Variants in CTNNA2 observed in about 807,000 individuals in gnomAD.
CTNNA2 encodes catenin alpha 2, also known as catenin alpha-2.
Under a neutral mutation model 101.0 loss-of-function variants are expected in CTNNA2, and 42 were observed. The ratio of observed to expected loss-of-function variants is 0.42; its 90% confidence interval spans 0.32 to 0.54. CTNNA2 has a LOEUF of 0.54. Among genes scored for constraint, CTNNA2 ranks in the 20% least tolerant of loss-of-function variants. The pLI is 0.14. For missense variants in CTNNA2, 871 were observed against 1,223.1 expected (o/e 0.71, Z 4.29); for synonymous variants, 450 against 456.4 (o/e 0.99, Z 0.18).
chr2:80,214,875 C>T (rs546342969), intron 7 of CTNNA2, among the ~76,000 whole-genome samples: 3 of 152,114 alleles, frequency 2.0e-5, no homozygotes, highest in African/African-American at 7.2e-5. Context: ...CTCCATTATC[C>T]CCGTCATTTT....
In CTNNA2 at chr2:79,909,750, G is replaced by A; in HGVS notation, c.1009G>A (p.Ala337Thr). The A allele has an allele frequency of 1.2e-6, 2 of 1,613,258 alleles. No homozygotes were observed. The highest frequency in any genetic ancestry group is 1.7e-6 in the Non-Finnish European group (2 of 1,179,536). ...CGAGAGGATCGTGGCGGAGTGCAAC[G>A]CCGTGCGGCAGGCGCTCCAGGACCT... is the stretch of plus-strand genomic sequence containing the variant. Reference protein sequence around the residue: ...RRERIVAECNAVRQALQDLLS... With the variant: ...RRERIVAECNTVRQALQDLLS... The change falls in exon 7 of 19, where the codon GCC becomes ACC. Residue 337 changes from alanine (A) to threonine (T), a missense_variant. Physicochemically the swap from Ala to Thr is moderately conservative, Grantham distance 58. Transcript: ENST00000402739.
At chr2:79,709,813 T>C (rs887772304) in intron 2 of CTNNA2, among the ~76,000 whole-genome samples, 1 of 152,008 alleles carries the variant, frequency 6.6e-6, no homozygotes, top group Non-Finnish European at 1.5e-5. Flanking sequence ...AAGAGAAATA[T>C]CAAAGTCACA....
chr2:79,742,475 A>G (rs1374113377), intron 2 of CTNNA2, among the ~76,000 whole-genome samples: 1 of 152,170 alleles, frequency 6.6e-6, no homozygotes, highest in Non-Finnish European at 1.5e-5. Context: ...GATGGTAGAG[A>G]TGGTTGCTGT....
At chr2:79,962,719 A>T (rs1382162382) in intron 7 of CTNNA2, among the ~76,000 whole-genome samples, 1 of 152,166 alleles carries the variant, frequency 6.6e-6, no homozygotes, top group Non-Finnish European at 1.5e-5. Context: ...ATTGGAGCAC[A>T]TGTTGGTGCA....
chr2:79,521,914 A>G (rs1672140312), intron 1 of CTNNA2, among the ~76,000 whole-genome samples: 1 of 152,136 alleles, frequency 6.6e-6, no homozygotes, highest in Non-Finnish European at 1.5e-5. Flanking sequence ...GCAAGCATAC[A>G]AATAGTGACA....
chr2:79,202,231 TTTC>T (rs1198665450), intron 2 of CTNNA2, among the ~76,000 whole-genome samples: 13 of 152,230 alleles, frequency 8.5e-5, no homozygotes, highest in Non-Finnish European at 1.8e-4. Context: ...CCAGCTTGAT[TTTC>T]TTCTTTAGCT....
intron 7 of CTNNA2, among the ~76,000 whole-genome samples, chr2:80,300,587 C>A (rs1410335827): frequency 6.6e-6 from 1 of 151,806 alleles, no homozygotes; most frequent in African/African-American, 2.4e-5. Context: ...GTTCCCCATC[C>A]CCCCATTCCC....
intron 7 of CTNNA2, among the ~76,000 whole-genome samples, chr2:79,971,973 T>C (rs1204886871): frequency 6.6e-6 from 1 of 152,080 alleles, no homozygotes; most frequent in Non-Finnish European, 1.5e-5. Flanking sequence ...ACCTAGTGAG[T>C]TGGGATTCTT....
At chr2:79,326,926 T>G (rs1676760940) in intron 3 of CTNNA2, among the ~76,000 whole-genome samples, 1 of 152,150 alleles carries the variant, frequency 6.6e-6, no homozygotes, top group African/African-American at 2.4e-5. Flanking sequence ...GCTGGTCTCC[T>G]AGAGGAGAAG....
intron 7 of CTNNA2, among the ~76,000 whole-genome samples, chr2:79,928,817 A>G (rs1489808707): frequency 2.0e-5 from 3 of 152,210 alleles, no homozygotes; most frequent in African/African-American, 7.2e-5. Flanking sequence ...ATCAGGTGAT[A>G]TAGTCCAACC....
chr2:80,304,013 G>C (rs971031724), intron 7 of CTNNA2: 3 of 550,054 alleles, frequency 5.5e-6, no homozygotes, highest in African/African-American at 3.9e-5. Context: ...CATGCAGAAA[G>C]CTGGGCAGCA....
intron 7 of CTNNA2, among the ~76,000 whole-genome samples, chr2:80,202,553 T>C (rs1192233338): frequency 2.0e-5 from 3 of 152,186 alleles, no homozygotes; most frequent in African/African-American, 2.4e-5. Context: ...ATCAGTGATA[T>C]TGACTTCCCT....
chr2:79,679,862 C>T (rs151230938), intron 2 of CTNNA2, among the ~76,000 whole-genome samples: 15 of 152,098 alleles, frequency 9.9e-5, no homozygotes, highest in African/African-American at 3.6e-4. Context: ...CCCCGATCCC[C>T]TATTGGAACA....
chr2:79,946,503 A>G (rs114638729), intron 7 of CTNNA2, among the ~76,000 whole-genome samples: 2,634 of 152,328 alleles, frequency 0.017, 44 homozygotes, highest in Non-Finnish European at 0.026. Context: ...TGAATATCGA[A>G]GTATATATCT....
At chr2:79,258,438 C>T (rs1028953120) in intron 2 of CTNNA2, among the ~76,000 whole-genome samples, 1 of 152,034 alleles carries the variant, frequency 6.6e-6, no homozygotes, top group Admixed American at 6.6e-5. Context: ...GGCATGAAAG[C>T]GCTTTGAAAA....
intron 7 of CTNNA2, among the ~76,000 whole-genome samples, chr2:80,351,999 A>G (rs1673345556): frequency 6.6e-6 from 1 of 152,090 alleles, no homozygotes; most frequent in African/African-American, 2.4e-5. Flanking sequence ...CACAGAGGGA[A>G]GCTCGTCTAA....
At chr2:79,322,312 G>C (rs1676645436) in intron 3 of CTNNA2, among the ~76,000 whole-genome samples, 1 of 152,102 alleles carries the variant, frequency 6.6e-6, no homozygotes, top group African/African-American at 2.4e-5. Flanking sequence ...TCATTGTCTT[G>C]CCATTGTCTT....
At position 80,555,875 on chromosome 2, in the gene CTNNA2, A is replaced by G. The variant is rs750857803; in HGVS notation, c.1723A>G (p.Lys575Glu). ...TACTGAGAAGGTGTTGGAAGCTACA[A>G]AATTGCTTTCTGAAACAGGTAAGCA... is the stretch of plus-strand genomic sequence containing the variant. ...VYTEKVLEAT[K>E]LLSETVMPRF... The change falls in exon 12 of 19, where the codon AAA becomes GAA. Residue 575 changes from lysine to glutamate, a missense_variant. Around this residue, in one of 5 missense-constraint regions of CTNNA2, gnomAD observed 647 missense variants for 831.5 expected, o/e 0.78. Coordinates refer to ENST00000402739, the MANE Select transcript of CTNNA2 (RefSeq NM_001282597.3). 2.6e-6 allele frequency: 4 copies of G among 1,551,622 alleles called. No individual in the cohort carries two copies. Among genetic ancestry groups the G allele is most frequent in the African/African-American group, 2.7e-5 (2 of 72,892 alleles).
chr2:80,275,283 C>T (rs549236645), intron 7 of CTNNA2, among the ~76,000 whole-genome samples: 4 of 152,340 alleles, frequency 2.6e-5, no homozygotes, highest in South Asian at 4.1e-4. Context: ...TGCTTACTCT[C>T]AGGATCTCCC....
Sources: gnomAD v4.1 joint callset for allele counts (sites outside exome capture counted in the v4.1 genomes callset) on GRCh38, gnomAD v4.1.1 for gene constraint, gnomAD v4.1.1 regional missense constraint, MANE v1.5 for transcripts, NCBI Gene and HGNC (gene_info 2026-07-23, HGNC 2026-07-21) for gene names.